Variants in SCIMP observed in about 807,000 individuals in gnomAD.
The protein encoded by SCIMP is SLP adapter and CSK-interacting membrane protein.
In SCIMP, 18 loss-of-function variants were observed where a neutral mutation model predicts 22.0. That is an observed-to-expected ratio of 0.82 (90% CI 0.56 to 1.21). The LOEUF (loss-of-function observed/expected upper bound fraction) is 1.21. Ranked by LOEUF, SCIMP falls within the 50% of genes most tolerant of loss-of-function variation. SCIMP has a pLI of 0.00. For synonymous variants in SCIMP, 53 were observed against 62.2 expected (o/e 0.85, Z 0.70); for missense variants, 155 against 171.2 (o/e 0.91, Z 0.53).
intron 4 of SCIMP, chr17:5,213,018 G>GTAAC (rs892700869): frequency 5.0e-5 from 25 of 498,766 alleles, no homozygotes; most frequent in African/African-American, 2.7e-4. Flanking sequence ...CTTTGAGGTG[G>GTAAC]TAACTTCTGA....
Position 5,217,066 on chromosome 17 carries a change from C to T in SCIMP, c.210-2068G>A, listed in dbSNP as rs550373571. On this transcript the variant is annotated intron_variant, in intron 3 of 4. Coordinates refer to ENST00000574081, the MANE Select transcript of SCIMP (RefSeq NM_207103.3). ...TGCAGACGGGGACATGGGGGTAGAG[C>T]TCCACCGGCGGCTCTCACCATCCCT... is the stretch of plus-strand genomic sequence containing the variant. 2.6e-5 allele frequency among the ~76,000 whole-genome samples: 4 copies of T among 152,192 alleles called. 1 individual carries two copies. Among genetic ancestry groups the T allele is most frequent in the African/African-American group, 9.6e-5 (4 of 41,510 alleles).
intron 4 of SCIMP, among the ~76,000 whole-genome samples, chr17:5,211,805 C>G (rs548842910): frequency 1.3e-3 from 195 of 152,250 alleles, no homozygotes; most frequent in African/African-American, 4.5e-3. Flanking sequence ...TGCCTGTAAT[C>G]CCAGCACTTT....
chr17:5,215,781 C>G (rs2074561411), intron 3 of SCIMP, among the ~76,000 whole-genome samples: 2 of 152,178 alleles, frequency 1.3e-5, no homozygotes, highest in Admixed American at 6.6e-5. Flanking sequence ...CTATTCATAA[C>G]AGCTCTGAAT....
At chr17:5,233,051 C>T (rs1037169186) in intron 1 of SCIMP, among the ~76,000 whole-genome samples, 4 of 152,064 alleles carry the variant, frequency 2.6e-5, no homozygotes, top group Non-Finnish European at 5.9e-5. Context: ...CAGAAATGGC[C>T]ATGTGGATAG....
Position 5,234,722 on chromosome 17 carries a change from C to G in SCIMP, c.21+13G>C, listed in dbSNP as rs1257885898. ...GAGCAGGAAACTGTCCCTTGGAAAG[C>G]TGAGATGCTTACCTGAACTGTGAAA... On this transcript the variant is annotated intron_variant, in intron 1 of 4. Coordinates refer to ENST00000574081, the MANE Select transcript of SCIMP (RefSeq NM_207103.3). 6.2e-7 allele frequency: 1 copy of G among 1,611,910 alleles called. No individual in the cohort carries two copies. The highest frequency in any genetic ancestry group is 1.3e-5 in the African/African-American group (1 of 74,916).
In SCIMP at chr17:5,210,764, C is replaced by G; in HGVS notation, c.*37G>C. On this transcript the variant is annotated 3_prime_UTR_variant, in exon 5 of 5. Transcript: ENST00000574081. ...ATTGTTTTAAAATAAGTTGTGTGAA[C>G]CCTCTTCAGTTTTGCCAAAAAGAAG... 14 of 1,593,582 alleles carry G rather than the reference C, an allele frequency of 8.8e-6. No homozygotes were observed. Among genetic ancestry groups the G allele is most frequent in the Non-Finnish European group, 1.2e-5 (14 of 1,173,102 alleles).
At chr17:5,230,657 A>G (rs1475982453) in intron 1 of SCIMP, among the ~76,000 whole-genome samples, 1 of 152,216 alleles carries the variant, frequency 6.6e-6, no homozygotes, top group Non-Finnish European at 1.5e-5. Context: ...GCAGTGGCTC[A>G]CACTTGTAAT....
At chr17:5,211,024 T>C (rs2074522790) in intron 4 of SCIMP, 69 bp from the exon 5 acceptor site, 1 of 1,531,706 alleles carries the variant, frequency 6.5e-7, no homozygotes, top group Admixed American at 2.3e-5. Flanking sequence ...AGGCAGTGGC[T>C]CAGCGTGATT....
rs140796405 is a variant in SCIMP, at chr17:5,231,188, C to T, written c.21+3547G>A. Among the ~76,000 whole-genome samples, 19 of 151,970 alleles carry T rather than the reference C, an allele frequency of 1.3e-4. No homozygotes were observed. In the East Asian group the frequency reaches 1.4e-3, roughly 11 times the overall value. ...CAGCCTGGCCAAGATGGTGAAACCC[C>T]GTCTCTACTAAAAATACAGAAATTA... On this transcript the variant is annotated intron_variant, in intron 1 of 4. Transcript: ENST00000574081.
rs2074514462 is a variant in SCIMP, at chr17:5,209,898, A to G, written c.*903T>C. The G allele has an allele frequency of 6.6e-6, 1 of 152,174 alleles. No individual in the cohort carries two copies. The highest frequency in any genetic ancestry group is 2.4e-5 in the African/African-American group (1 of 41,454). 9.4% of individuals were successfully genotyped at this position (152,174 alleles called of 1,614,324 possible). ...GAGGCTGTTTTCCTAGAACTCGAGT[A>G]AGTACTGATGAAAATGATGGACAGG... On this transcript the variant is annotated 3_prime_UTR_variant, in exon 5 of 5. Coordinates refer to ENST00000574081, the MANE Select transcript of SCIMP (RefSeq NM_207103.3).
intron 1 of SCIMP, among the ~76,000 whole-genome samples, chr17:5,228,821 G>T (rs965491990): frequency 7.9e-5 from 12 of 152,122 alleles, no homozygotes; most frequent in African/African-American, 2.4e-5. Flanking sequence ...TGTGTTTCTA[G>T]CGCCTAGAAC....
rs1260049699 is a variant in SCIMP at position 5,234,725 on chromosome 17, A to C, written c.21+10T>G. On this transcript the variant is annotated intron_variant, in intron 1 of 4. Transcript: ENST00000574081. ...CAGGAAACTGTCCCTTGGAAAGCTG[A>C]GATGCTTACCTGAACTGTGAAAGTA... 2 of 1,611,898 alleles carry C rather than the reference A, an allele frequency of 1.2e-6. No individual in the cohort carries two copies. Among genetic ancestry groups the C allele is most frequent in the Non-Finnish European group, 1.7e-6 (2 of 1,179,232 alleles).
intron 1 of SCIMP, among the ~76,000 whole-genome samples, chr17:5,232,348 A>ATGTAAACAGTGCAGTATAAACAGTGCAG (rs2074704663): frequency 2.0e-4 from 7 of 34,462 alleles, no homozygotes; most frequent in African/African-American, 1.4e-3. Flanking sequence ...AAGGGGTGGA[A>ATGTAAACAGTGCAGTATAAACAGTGCAG]TATAAACAGT....
rs879640602 is a variant in SCIMP, at chr17:5,209,696, T to C, written c.*1105A>G. 4.6e-5 allele frequency: 7 copies of C among 152,242 alleles called. No individual in the cohort carries two copies. The highest frequency in any genetic ancestry group is 1.9e-4 in the East Asian group (1 of 5,176). 9.4% of individuals were successfully genotyped at this position (152,242 alleles called of 1,614,324 possible). On this transcript the variant is annotated 3_prime_UTR_variant, in exon 5 of 5. Coordinates refer to ENST00000574081, the MANE Select transcript of SCIMP (RefSeq NM_207103.3). ...GGCTCTGGCGATCAGCTAGAAGGAA[T>C]TGATGAGGTCTAAGAGCCTATAAAG...
At chr17:5,223,609 C>G (rs1351163197) in intron 1 of SCIMP, 153 bp from the exon 2 acceptor site, 6 of 653,760 alleles carry the variant, frequency 9.2e-6, no homozygotes, top group Non-Finnish European at 1.6e-5. Flanking sequence ...ATGACGTGAT[C>G]TCAGCTCTCA....
intron 1 of SCIMP, among the ~76,000 whole-genome samples, chr17:5,229,263 A>G (rs2074675019): frequency 6.6e-6 from 1 of 152,096 alleles, no homozygotes; most frequent in African/African-American, 2.4e-5. Flanking sequence ...GTGGGAGAGC[A>G]ACTGAAGGCA....
chr17:5,225,929 T>C (rs1287051913), intron 1 of SCIMP, among the ~76,000 whole-genome samples: 2 of 152,114 alleles, frequency 1.3e-5, no homozygotes, highest in East Asian at 1.9e-4. Flanking sequence ...TCTGGGTCTA[T>C]AGTGCTGGCA....
intron 3 of SCIMP, among the ~76,000 whole-genome samples, chr17:5,220,275 CCTTT>C (rs2074596075): frequency 6.6e-6 from 1 of 151,976 alleles, no homozygotes; most frequent in Non-Finnish European, 1.5e-5. Flanking sequence ...CAACCTGTGA[CCTTT>C]GTCAGAATAG....
In SCIMP at chr17:5,210,617, C is replaced by T. The variant is rs1485873164; in HGVS notation, c.*184G>A. On this transcript the variant is annotated 3_prime_UTR_variant, in exon 5 of 5. Transcript: ENST00000574081. Reference sequence around the variant, plus strand: ...AGCACCCATGTGTCTCCTCTGGCTGCAGTCATCCGATCGCAGGGGTGTCTT... The same window carrying T: ...AGCACCCATGTGTCTCCTCTGGCTGTAGTCATCCGATCGCAGGGGTGTCTT... 1.4e-6 allele frequency: 1 copy of T among 698,558 alleles called. No individual in the cohort carries two copies. The allele number at this position is 698,558 out of a possible 1,614,324, so 43.3% of individuals were successfully genotyped here.
Sources: gnomAD v4.1 joint callset for allele counts (sites outside exome capture counted in the v4.1 genomes callset) on GRCh38, gnomAD v4.1.1 for gene constraint, MANE v1.5 for transcripts, NCBI Gene and HGNC (gene_info 2026-07-23, HGNC 2026-07-21) for gene names.